The following PLPPR1 variants were observed in gnomAD, a reference collection of about 807,000 sequenced individuals.
PLPPR1 encodes the protein phospholipid phosphatase-related protein type 1.
Under a neutral mutation model 33.1 loss-of-function variants are expected in PLPPR1, and 10 were observed. The observed-to-expected ratio is 0.30, with a 90% CI of 0.19 to 0.51. The LOEUF is 0.51. Among genes scored for constraint, PLPPR1 ranks in the 20% least tolerant of loss-of-function variants. The pLI is 0.97. For synonymous variants in PLPPR1, 151 were observed against 151.0 expected, an observed-to-expected ratio of 1.00 and a Z score of 0.00; for missense variants, 304 against 408.1, an observed-to-expected ratio of 0.74 and a Z score of 2.20.
At chr9:101,309,082 G>A in intron 4 of PLPPR1, 129 bp from the exon 5 acceptor site, 1 of 898,266 alleles carries the variant, frequency 1.1e-6, no homozygotes. Flanking sequence ...CTCCTGGAAA[G>A]ATACTCCGGG....
At chr9:101,311,888 A>G (rs1828963284) in intron 5 of PLPPR1, among the ~76,000 whole-genome samples, 1 of 152,188 alleles carries the variant, frequency 6.6e-6, no homozygotes, top group East Asian at 1.9e-4. Context: ...GGTGTTTTGT[A>G]ACTACTACCA....
chr9:101,249,739 C>G (rs1383658926), intron 2 of PLPPR1, among the ~76,000 whole-genome samples: 3 of 152,026 alleles, frequency 2.0e-5, no homozygotes, highest in East Asian at 3.9e-4. Context: ...AGGTTTTTCT[C>G]AACTACAAAT....
intron 1 of PLPPR1, among the ~76,000 whole-genome samples, chr9:101,151,137 G>A (rs915328743): frequency 2.0e-5 from 3 of 152,022 alleles, no homozygotes; most frequent in Non-Finnish European, 4.4e-5. Flanking sequence ...GGTCAAATCA[G>A]ATGAAAAGAA....
At chr9:101,182,676 A>G (rs1486041311) in intron 1 of PLPPR1, among the ~76,000 whole-genome samples, 1 of 151,790 alleles carries the variant, frequency 6.6e-6, no homozygotes, top group East Asian at 1.9e-4. Flanking sequence ...ATTTCACCTC[A>G]ATCAATGAAA....
intron 2 of PLPPR1, among the ~76,000 whole-genome samples, chr9:101,202,231 A>G (rs536007919): frequency 6.6e-6 from 1 of 152,342 alleles, no homozygotes; most frequent in African/African-American, 2.4e-5. Flanking sequence ...TTTAATGTGC[A>G]TAATGTGACT....
At chr9:101,174,050 A>G (rs555109650) in intron 1 of PLPPR1, among the ~76,000 whole-genome samples, 2 of 152,204 alleles carry the variant, frequency 1.3e-5, no homozygotes, top group Admixed American at 1.3e-4. Flanking sequence ...CAGCTACTCA[A>G]GAGGCTGAGG....
intron 2 of PLPPR1, among the ~76,000 whole-genome samples, chr9:101,226,116 A>C (rs978587743): frequency 2.6e-5 from 4 of 152,114 alleles, no homozygotes; most frequent in African/African-American, 9.7e-5. Context: ...CCCTCCTGAC[A>C]TGATGGTTTA....
At position 101,140,411 on chromosome 9, in the gene PLPPR1, C is replaced by A. The variant is rs73656167; in HGVS notation, c.-45-45039C>A. Among the ~76,000 whole-genome samples, 644 of 114,806 alleles carry A rather than the reference C, an allele frequency of 5.6e-3. 4 individuals carry two copies. The highest frequency in any genetic ancestry group is 0.017 in the African/African-American group (603 of 34,884). 75.3% of individuals were successfully genotyped at this position (114,806 alleles called of 152,430 possible). On this transcript the variant is annotated intron_variant, in intron 1 of 7. Transcript: ENST00000374874. ...TGAAAAGCCAGCAAGGATAAAATAG[C>A]CTTGAAATCGTTAGGGTGGAAATCG...
intron 1 of PLPPR1, among the ~76,000 whole-genome samples, chr9:101,071,142 G>T (rs559218260): frequency 3.9e-5 from 6 of 152,210 alleles, no homozygotes; most frequent in African/African-American, 1.4e-4. Context: ...GACAATGTCA[G>T]CCTGCCCTAA....
At chr9:101,135,491 T>C (rs1831367504) in intron 1 of PLPPR1, among the ~76,000 whole-genome samples, 1 of 152,216 alleles carries the variant, frequency 6.6e-6, no homozygotes, top group Non-Finnish European at 1.5e-5. Flanking sequence ...TGTTTGGTTT[T>C]CCTACGGTGT....
chr9:101,164,851 C>A (rs1333436986), intron 1 of PLPPR1, among the ~76,000 whole-genome samples: 1 of 152,114 alleles, frequency 6.6e-6, no homozygotes, highest in Non-Finnish European at 1.5e-5. Context: ...GGTTGTTTGA[C>A]TTCATTCATT....
intron 1 of PLPPR1, among the ~76,000 whole-genome samples, chr9:101,035,903 G>C (rs1172706611): frequency 6.6e-6 from 1 of 152,112 alleles, no homozygotes; most frequent in Non-Finnish European, 1.5e-5. Flanking sequence ...TTTGCTTACT[G>C]TAGTTAAGTG....
intron 2 of PLPPR1, among the ~76,000 whole-genome samples, chr9:101,192,537 A>C (rs974564771): frequency 2.0e-5 from 3 of 151,698 alleles, no homozygotes; most frequent in Admixed American, 6.6e-5. Flanking sequence ...TCAAGGGGGG[A>C]AAAAAAACGT....
At chr9:101,292,169 T>G (rs1306131862) in intron 4 of PLPPR1, among the ~76,000 whole-genome samples, 1 of 151,864 alleles carries the variant, frequency 6.6e-6, no homozygotes, top group African/African-American at 2.4e-5. Context: ...GCCGACGCAA[T>G]CAACTGGAAG....
At chr9:101,130,750 A>G (rs979627853) in intron 1 of PLPPR1, among the ~76,000 whole-genome samples, 1 of 152,230 alleles carries the variant, frequency 6.6e-6, no homozygotes, top group Non-Finnish European at 1.5e-5. Context: ...TGAGTTGGCA[A>G]CATATGTTCA....
intron 1 of PLPPR1, among the ~76,000 whole-genome samples, chr9:101,180,159 CACAT>C (rs1445034016): frequency 3.2e-4 from 41 of 129,594 alleles, no homozygotes; most frequent in South Asian, 1.2e-3. Flanking sequence ...CACACACACA[CACAT>C]ACACACACAC....
intron 1 of PLPPR1, among the ~76,000 whole-genome samples, chr9:101,169,474 C>T (rs996339824): frequency 8.6e-5 from 13 of 151,994 alleles, no homozygotes; most frequent in African/African-American, 2.2e-4. Context: ...CGTGGTGGAC[C>T]GTAAGATAAT....
chr9:101,261,911 A>G (rs1383357070), intron 2 of PLPPR1, among the ~76,000 whole-genome samples: 5 of 152,138 alleles, frequency 3.3e-5, no homozygotes, highest in Non-Finnish European at 7.4e-5. Flanking sequence ...AATCTGTACA[A>G]CAAACCCCCA....
At chr9:101,154,637 G>C (rs1042164794) in intron 1 of PLPPR1, among the ~76,000 whole-genome samples, 1 of 151,932 alleles carries the variant, frequency 6.6e-6, no homozygotes, top group Non-Finnish European at 1.5e-5. Flanking sequence ...ATTATGAATC[G>C]TGCTGCTATA....
Sources: gnomAD v4.1 joint callset for allele counts (sites outside exome capture counted in the v4.1 genomes callset) on GRCh38, gnomAD v4.1.1 for gene constraint, MANE v1.5 for transcripts, NCBI Gene and HGNC (gene_info 2026-07-23, HGNC 2026-07-21) for gene names.